PLCG2: variants seen among roughly 807,000 people sequenced by gnomAD.
PLCG2 encodes 1-phosphatidylinositol 4,5-bisphosphate phosphodiesterase gamma-2.
In PLCG2, 69 loss-of-function variants were observed where a neutral mutation model predicts 175.6. That is an observed-to-expected ratio of 0.39 (90% CI 0.32 to 0.48). PLCG2 has a LOEUF of 0.48. PLCG2 is among the 20% of genes least tolerant of loss of function. The pLI is 0.91. For missense variants in PLCG2, 1,798 were observed against 1,650.9 expected (o/e 1.09, Z -1.54); for synonymous variants, 827 against 624.0 (o/e 1.33, Z -4.85).
chr16:81,796,064 AG>A (rs1352957602), intron 2 of PLCG2, among the ~76,000 whole-genome samples: 2 of 152,212 alleles, frequency 1.3e-5, no homozygotes, highest in East Asian at 1.9e-4. Flanking sequence ...GTTGATGGTA[AG>A]GGTTTGGGAG....
intron 1 of PLCG2, among the ~76,000 whole-genome samples, chr16:81,747,874 A>C (rs949375158): frequency 6.6e-6 from 1 of 152,052 alleles, no homozygotes; most frequent in Admixed American, 6.6e-5. Flanking sequence ...CTGTTAAATG[A>C]ATGACTTTTT....
intron 2 of PLCG2, among the ~76,000 whole-genome samples, chr16:81,809,025 G>C (rs919480076): frequency 6.6e-6 from 1 of 152,174 alleles, no homozygotes; most frequent in Non-Finnish European, 1.5e-5. Flanking sequence ...CCTATTCTAG[G>C]GGTGAGGAAG....
chr16:81,894,419 A>C (rs768976219), intron 12 of PLCG2, among the ~76,000 whole-genome samples: 13 of 152,038 alleles, frequency 8.6e-5, no homozygotes, highest in Non-Finnish European at 1.8e-4. Context: ...ACAGAGCGAG[A>C]CTCTGTGTCT....
At chr16:81,878,033 G>T (rs1388363434) in intron 7 of PLCG2, among the ~76,000 whole-genome samples, 1 of 130,218 alleles carries the variant, frequency 7.7e-6, no homozygotes, top group East Asian at 2.3e-4. Context: ...CCAGGCTGGA[G>T]TGTAGTGGCG....
intron 1 of PLCG2, among the ~76,000 whole-genome samples, chr16:81,742,256 G>T (rs1190110237): frequency 2.0e-5 from 3 of 152,040 alleles, no homozygotes; most frequent in African/African-American, 4.8e-5. Context: ...TAGTACCCCT[G>T]GAAAATAGGG....
chr16:81,926,856 T>G, intron 22 of PLCG2, among the ~76,000 whole-genome samples: 1 of 152,228 alleles, frequency 6.6e-6, no homozygotes, highest in Non-Finnish European at 1.5e-5. Context: ...ATTAAGATCA[T>G]GTGATGGGGG....
intron 1 of PLCG2, among the ~76,000 whole-genome samples, chr16:81,781,542 C>CT (rs773347165): frequency 4.3e-4 from 66 of 152,050 alleles, no homozygotes; most frequent in Middle Eastern, 3.4e-3. Flanking sequence ...GCGTGTTTTG[C>CT]TTTTTAGTAG....
intron 31 of PLCG2, among the ~76,000 whole-genome samples, chr16:81,948,054 C>G (rs1327086743): frequency 2.1e-5 from 3 of 145,260 alleles, no homozygotes; most frequent in Middle Eastern, 3.5e-3. Flanking sequence ...CTCCTACTAA[C>G]GGAGAGTCAA....
intron 2 of PLCG2, among the ~76,000 whole-genome samples, chr16:81,794,475 T>C (rs1911376735): frequency 6.6e-6 from 1 of 152,166 alleles, no homozygotes; most frequent in African/African-American, 2.4e-5. Flanking sequence ...GCCTGAAGTG[T>C]CCATAAATGT....
intron 31 of PLCG2, among the ~76,000 whole-genome samples, chr16:81,952,863 G>A (rs1181125293): frequency 5.9e-5 from 9 of 152,166 alleles, no homozygotes; most frequent in Non-Finnish European, 1.3e-4. Flanking sequence ...TCCCAAAAGT[G>A]TCTTCCGCCA....
chr16:81,940,971 G>T (rs752961543), intron 30 of PLCG2, among the ~76,000 whole-genome samples: 1 of 152,072 alleles, frequency 6.6e-6, no homozygotes, highest in Non-Finnish European at 1.5e-5. Flanking sequence ...AGATTCTTCT[G>T]GATTCCTCAA....
At chr16:81,931,920 A>C (rs527862033) in intron 25 of PLCG2, among the ~76,000 whole-genome samples, 1 of 152,134 alleles carries the variant, frequency 6.6e-6, no homozygotes, top group Non-Finnish European at 1.5e-5. Flanking sequence ...CTCATTGATG[A>C]TGTCTTTGCG....
rs1910818928 is a variant in PLCG2 at position 81,783,200 on chromosome 16, G to A, written c.-47-2743G>A. ...AGTGGACTATGGCCTAGAGACCTGGGAGTGGGGAACTCCAGGATGCATGGC... is the reference window on the plus strand; with the variant it reads ...AGTGGACTATGGCCTAGAGACCTGGAAGTGGGGAACTCCAGGATGCATGGC... On this transcript the variant is annotated intron_variant, in intron 1 of 32. Transcript: ENST00000564138. The A allele has an allele frequency of 3.9e-5, 18 of 463,744 alleles. 1 individual carries two copies. The highest frequency in any genetic ancestry group is 2.3e-4 in the South Asian group (15 of 64,898). 28.7% of individuals were successfully genotyped at this position (463,744 alleles called of 1,614,324 possible).
At chr16:81,886,246 C>T (rs1266263330) in intron 9 of PLCG2, among the ~76,000 whole-genome samples, 2 of 152,148 alleles carry the variant, frequency 1.3e-5, no homozygotes, top group African/African-American at 4.8e-5. Context: ...GCTGGGCTGC[C>T]CTTAGAGATC....
chr16:81,837,436 A>G (rs560033924), intron 2 of PLCG2, among the ~76,000 whole-genome samples: 2 of 152,256 alleles, frequency 1.3e-5, no homozygotes, highest in African/African-American at 4.8e-5. Context: ...ATGAACATCT[A>G]TTTCTAGCTG....
intron 25 of PLCG2, among the ~76,000 whole-genome samples, chr16:81,933,338 A>C (rs78786964): frequency 7.2e-5 from 11 of 151,964 alleles, no homozygotes; most frequent in Non-Finnish European, 1.2e-4. Context: ...GCCCCATCCC[A>C]CTCTTGGGAA....
At chr16:81,746,387 C>T (rs1162217569) in intron 1 of PLCG2, among the ~76,000 whole-genome samples, 3 of 152,152 alleles carry the variant, frequency 2.0e-5, no homozygotes, top group African/African-American at 7.2e-5. Flanking sequence ...ATGGCCGCAG[C>T]GGTGAACGCA....
At chr16:81,936,086 G>A in intron 26 of PLCG2, 83 bp from the exon 27 acceptor site, 1 of 1,551,426 alleles carries the variant, frequency 6.4e-7, no homozygotes, top group Non-Finnish European at 8.7e-7. Flanking sequence ...TTTATAATCT[G>A]AGCATCCAGC....
intron 2 of PLCG2, among the ~76,000 whole-genome samples, chr16:81,846,493 C>G (rs1236174324): frequency 6.6e-6 from 1 of 152,234 alleles, no homozygotes; most frequent in Non-Finnish European, 1.5e-5. Flanking sequence ...CTGCCTAACA[C>G]AGAGTAGGTG....
Sources: gnomAD v4.1 joint callset for allele counts (sites outside exome capture counted in the v4.1 genomes callset) on GRCh38, gnomAD v4.1.1 for gene constraint, MANE v1.5 for transcripts, NCBI Gene and HGNC (gene_info 2026-07-23, HGNC 2026-07-21) for gene names.